The following CDH1 variants were observed in gnomAD, a reference collection of about 807,000 sequenced individuals.
CDH1 encodes cadherin-1.
CDH1 carries 35 observed loss-of-function variants against 84.5 expected under a neutral mutation model. The ratio of observed to expected loss-of-function variants is 0.41; its 90% CI spans 0.32 to 0.55. CDH1 has a LOEUF of 0.55. Among genes scored for constraint, CDH1 ranks in the 20% least tolerant of loss-of-function variants. The pLI, the probability that CDH1 is intolerant of heterozygous loss-of-function variation, is 0.19. For missense variants in CDH1, 994 were observed against 1,126.6 expected (o/e 0.88, Z 1.68); for synonymous variants, 417 against 439.0 (o/e 0.95, Z 0.63).
chr16:68,745,806 A>G (rs1044642974), intron 2 of CDH1, among the ~76,000 whole-genome samples: 2 of 151,608 alleles, frequency 1.3e-5, no homozygotes, highest in Non-Finnish European at 2.9e-5. Flanking sequence ...GGAGATCTGA[A>G]CTTGACATTT....
At chr16:68,827,784 C>T (rs1202479894) in intron 13 of CDH1, among the ~76,000 whole-genome samples, 2 of 152,030 alleles carry the variant, frequency 1.3e-5, no homozygotes, top group Admixed American at 6.6e-5. Flanking sequence ...TCCCCTCATG[C>T]ACCCTGCTAC....
chr16:68,833,507 G>A lies in CDH1; in HGVS notation c.*8G>A, dbSNP rs201223411. On this transcript the variant is annotated 3_prime_UTR_variant, in exon 16 of 16. Coordinates refer to ENST00000261769, the MANE Select transcript of CDH1 (RefSeq NM_004360.5). ...GGCGGCGAGGACGACTAGGGGACTC[G>A]AGAGAGGCGGGCCCCAGACCCATGT... is the stretch of plus-strand genomic sequence containing the variant. The A allele has an allele frequency of 6.1e-5, 99 of 1,610,244 alleles. No homozygotes were observed. The highest frequency in any genetic ancestry group is 1.5e-4 in the South Asian group (14 of 90,992).
At chr16:68,796,557 CAG>C (rs906373762) in intron 2 of CDH1, among the ~76,000 whole-genome samples, 2 of 152,232 alleles carry the variant, frequency 1.3e-5, no homozygotes, top group Admixed American at 6.5e-5. Context: ...GCTGAATGCT[CAG>C]AGCCTGCCCC....
At chr16:68,761,702 G>T (rs1045982038) in intron 2 of CDH1, among the ~76,000 whole-genome samples, 1 of 152,132 alleles carries the variant, frequency 6.6e-6, no homozygotes, top group Non-Finnish European at 1.5e-5. Context: ...GGGGACATTT[G>T]AGCAAAGACC....
At position 68,743,143 on chromosome 16, in the gene CDH1, C is replaced by T. The variant is rs999470278; in HGVS notation, c.163+4732C>T. On this transcript the variant is annotated intron_variant, in intron 2 of 15. Coordinates refer to ENST00000261769, the MANE Select transcript of CDH1 (RefSeq NM_004360.5). ...TGGGTGAGGCTTTTCTTCCAAAATG[C>T]TCACCTTGTGTCTGTTACACATTCC... Among the ~76,000 whole-genome samples the T allele has an allele frequency of 4.6e-5, 7 of 152,296 alleles. No individual in the cohort carries two copies. The Middle Eastern group carries it at 0.01, about 222-fold the overall frequency.
chr16:68,742,471 G>C (rs1356607592), intron 2 of CDH1: 1 of 160,876 alleles, frequency 6.2e-6, no homozygotes, highest in Admixed American at 6.5e-5. Context: ...GTAGAGACAG[G>C]GTTTCGACTA....
chr16:68,812,492 C>T (rs1960867021), intron 8 of CDH1, among the ~76,000 whole-genome samples: 2 of 152,206 alleles, frequency 1.3e-5, no homozygotes, highest in Admixed American at 1.3e-4. Context: ...GCAAAAAGCA[C>T]CTACTGATTT....
At chr16:68,745,082 G>A (rs751960226) in intron 2 of CDH1, among the ~76,000 whole-genome samples, 62 of 152,046 alleles carry the variant, frequency 4.1e-4, no homozygotes, top group Admixed American at 1.3e-3. Flanking sequence ...GGACCTGCTC[G>A]TGGAGGTTGT....
Position 68,833,968 on chromosome 16 carries a change from T to G in CDH1, c.*469T>G. On this transcript the variant is annotated 3_prime_UTR_variant, in exon 16 of 16. Transcript: ENST00000261769. ...CTGGTGTGTCCCTCTGCCTTTTTTT[T>G]TTTTTTAAGACAGGGTCTCATTCTA... 1 of 330,226 alleles carries G rather than the reference T, an allele frequency of 3.0e-6. No individual in the cohort carries two copies. Among genetic ancestry groups the G allele is most frequent in the Non-Finnish European group, 5.7e-6 (1 of 176,532 alleles). 20.5% of individuals were successfully genotyped at this position (330,226 alleles called of 1,614,324 possible).
intron 2 of CDH1, among the ~76,000 whole-genome samples, chr16:68,741,123 C>G (rs2036722472): frequency 6.6e-6 from 1 of 151,806 alleles, no homozygotes; most frequent in Non-Finnish European, 1.5e-5. Context: ...GAAGAGGCAG[C>G]CTTCACACAG....
intron 12 of CDH1, chr16:68,822,576 A>C: frequency 2.0e-6 from 1 of 496,322 alleles, no homozygotes; most frequent in East Asian, 4.8e-5. Flanking sequence ...CCTTCTTGCC[A>C]ACCAATCGTG....
chr16:68,761,311 GC>G (rs34975536), intron 2 of CDH1, among the ~76,000 whole-genome samples: 6,926 of 152,278 alleles, frequency 0.045, 229 homozygotes, highest in Non-Finnish European at 0.072. Context: ...GCTTGGGGCA[GC>G]CCCGCTGGGC....
chr16:68,756,321 A>G (rs1172950300), intron 2 of CDH1, among the ~76,000 whole-genome samples: 1 of 152,114 alleles, frequency 6.6e-6, no homozygotes, highest in African/African-American at 2.4e-5. Flanking sequence ...ATTGGAAAAC[A>G]TCATCCCTTG....
chr16:68,738,339 G>A lies in CDH1; in HGVS notation c.91G>A (p.Gly31Ser), dbSNP rs2152114387. 6.5e-7 allele frequency: 1 copy of A among 1,540,348 alleles called. No homozygotes were observed. Among genetic ancestry groups the A allele is most frequent in the Non-Finnish European group, 8.8e-7 (1 of 1,142,060 alleles). ...CCAGGAGCCGGAGCCCTGCCACCCT[G>A]GCTTTGACGCCGAGAGCTACACGTT... ...LCQEPEPCHP[G>S]FDAESYTFTV... The change falls in exon 2 of 16, where the codon GGC becomes AGC. Residue 31 changes from glycine to serine, a missense_variant. Transcript: ENST00000261769.
chr16:68,833,672 G>A lies in CDH1; in HGVS notation c.*173G>A. 1.6e-6 allele frequency: 1 copy of A among 606,638 alleles called. No homozygotes were observed. The highest frequency in any genetic ancestry group is 2.9e-6 in the Non-Finnish European group (1 of 342,066). 37.6% of individuals were successfully genotyped at this position (606,638 alleles called of 1,614,324 possible). On this transcript the variant is annotated 3_prime_UTR_variant, in exon 16 of 16. Transcript: ENST00000261769. ...TCTCTCCACTTTATAGCTCTAATAA[G>A]TTTGTGTTAGAAAAGTTTCGACTTA...
intron 2 of CDH1, among the ~76,000 whole-genome samples, chr16:68,777,691 C>T (rs1959772266): frequency 6.6e-6 from 1 of 151,836 alleles, no homozygotes; most frequent in Admixed American, 6.6e-5. Context: ...TATAGGCATG[C>T]ACCACCACAC....
chr16:68,785,623 A>G (rs1420221093), intron 2 of CDH1, among the ~76,000 whole-genome samples: 1 of 152,108 alleles, frequency 6.6e-6, no homozygotes, highest in Non-Finnish European at 1.5e-5. Context: ...ACAGGGATAA[A>G]CTTATTTCTT....
chr16:68,806,989 T>C (rs1320912279), intron 3 of CDH1, among the ~76,000 whole-genome samples: 1 of 152,176 alleles, frequency 6.6e-6, no homozygotes, highest in Non-Finnish European at 1.5e-5. Flanking sequence ...AACTCAAACT[T>C]GGCAAGCAGT....
Position 68,786,814 on chromosome 16 carries a change from C to A in CDH1, c.164-14856C>A, listed in dbSNP as rs146972234. The stretch of plus-strand genomic sequence containing the variant: ...CACTTGTTGTACAGTCATCTGCAAG[C>A]ACATGTGACCTGGAGACTGTGGGAA... On this transcript the variant is annotated intron_variant, in intron 2 of 15. Coordinates refer to ENST00000261769, the MANE Select transcript of CDH1 (RefSeq NM_004360.5). Among the ~76,000 whole-genome samples the A allele has an allele frequency of 4.9e-3, 744 of 152,300 alleles. 31 individuals carry two copies. Among genetic ancestry groups the A allele is most frequent in the Admixed American group, 0.043 (657 of 15,298 alleles).
Sources: allele counts gnomAD v4.1 joint callset (sites outside exome capture counted in the v4.1 genomes callset), GRCh38; gene constraint gnomAD v4.1.1; transcripts MANE v1.5; gene names NCBI Gene and HGNC (gene_info 2026-07-23, HGNC 2026-07-21).